SHISA9: variants seen among roughly 807,000 people sequenced by gnomAD.
The protein encoded by SHISA9 is protein shisa-9.
Under a neutral mutation model 38.0 loss-of-function variants are expected in SHISA9, and 13 were observed. The ratio of observed to expected loss-of-function variants is 0.34; its 90% CI spans 0.22 to 0.54. The LOEUF (loss-of-function observed/expected upper bound fraction) is 0.54, where lower values mean the gene tolerates loss of function less well. Ranked by LOEUF, SHISA9 falls within the 20% of genes least tolerant of loss-of-function variation. The probability of loss-of-function intolerance (pLI) is 0.91; values close to 1 mark genes in which losing one functional copy is unlikely to be tolerated. For missense variants in SHISA9, 538 were observed against 575.8 expected, an observed-to-expected ratio of 0.93 and a Z score of 0.67; for synonymous variants, 275 against 242.0, an observed-to-expected ratio of 1.14 and a Z score of -1.27.
At chr16:13,561,539 T>G in the SHISA9 span, among the ~76,000 whole-genome samples, 1 of 152,216 alleles carries the variant, frequency 6.6e-6, no homozygotes, top group Admixed American at 6.5e-5. Flanking sequence ...GCAAAATCAC[T>G]TCCGCTACTT....
chr16:13,240,247 AC>A lies in SHISA9; in HGVS notation c.*4840del, dbSNP rs2051423924. ...TAGTAACCGTATGTTCTGCAAGTAA[AC>A]CTGTGTTAATACTTGTCAACAACTG... is the stretch of plus-strand genomic sequence containing the variant. On this transcript the variant is annotated 3_prime_UTR_variant, in exon 5 of 5. Coordinates refer to ENST00000558583, the MANE Select transcript of SHISA9 (RefSeq NM_001145204.3). 4 of 152,164 alleles carry A rather than the reference AC, an allele frequency of 2.6e-5. No individual in the cohort carries two copies. The highest frequency in any genetic ancestry group is 2.6e-4 in the Admixed American group (4 of 15,276). 9.4% of individuals were successfully genotyped at this position (152,164 alleles called of 1,614,324 possible).
At chr16:13,508,884 G>A in the SHISA9 span, among the ~76,000 whole-genome samples, 1 of 152,102 alleles carries the variant, frequency 6.6e-6, no homozygotes, top group Non-Finnish European at 1.5e-5. Context: ...ATCCTGAAGG[G>A]GATTGATAAT....
At chr16:13,377,965 G>A in the SHISA9 span, among the ~76,000 whole-genome samples, 4 of 152,252 alleles carry the variant, frequency 2.6e-5, no homozygotes, top group South Asian at 2.1e-4. Context: ...CCTGGAAGGC[G>A]GAGGTGGCAG....
At chr16:13,269,126 G>T in the SHISA9 span, among the ~76,000 whole-genome samples, 5 of 152,212 alleles carry the variant, frequency 3.3e-5, no homozygotes, top group Admixed American at 6.5e-5. Flanking sequence ...AGGGTTTCAG[G>T]AGGTGGTAAA....
At chr16:13,151,589 T>G (rs907203753) in intron 2 of SHISA9, among the ~76,000 whole-genome samples, 1 of 152,196 alleles carries the variant, frequency 6.6e-6, no homozygotes, top group Non-Finnish European at 1.5e-5. Flanking sequence ...AGTAACTATC[T>G]CTACTCTTGT....
At chr16:13,402,006 C>T in the SHISA9 span, among the ~76,000 whole-genome samples, 1 of 152,176 alleles carries the variant, frequency 6.6e-6, no homozygotes, top group South Asian at 2.1e-4. Flanking sequence ...TACTCAATTA[C>T]CTCCCATCGG....
chr16:13,383,243 A>G, the SHISA9 span, among the ~76,000 whole-genome samples: 1 of 152,232 alleles, frequency 6.6e-6, no homozygotes, highest in African/African-American at 2.4e-5. Flanking sequence ...TGGAGCAAAG[A>G]TCTGGAGGAC....
the SHISA9 span, among the ~76,000 whole-genome samples, chr16:13,484,566 G>T: frequency 2.0e-3 from 309 of 152,288 alleles, 3 homozygotes; most frequent in African/African-American, 7.3e-3. Context: ...TGCCTCTCTG[G>T]CTGTATAGTA....
chr16:13,145,613 A>G (rs1335493071), intron 2 of SHISA9, among the ~76,000 whole-genome samples: 1 of 152,252 alleles, frequency 6.6e-6, no homozygotes, highest in Non-Finnish European at 1.5e-5. Flanking sequence ...TAGCTTGCTT[A>G]CCTACAAAAG....
chr16:13,179,386 A>G (rs771370542), intron 2 of SHISA9, among the ~76,000 whole-genome samples: 1 of 152,194 alleles, frequency 6.6e-6, no homozygotes, highest in Non-Finnish European at 1.5e-5. Flanking sequence ...TGCTAGTCAT[A>G]AACATCTCTA....
At chr16:13,234,797 C>T (rs1209886315) in intron 4 of SHISA9, among the ~76,000 whole-genome samples, 1 of 152,024 alleles carries the variant, frequency 6.6e-6, no homozygotes, top group African/African-American at 2.4e-5. Flanking sequence ...TAGAGGTTCC[C>T]TTGGGGATGC....
the SHISA9 span, among the ~76,000 whole-genome samples, chr16:13,312,354 T>C: frequency 2.0e-5 from 3 of 152,158 alleles, no homozygotes; most frequent in Non-Finnish European, 4.4e-5. Flanking sequence ...TCACTCTTTT[T>C]CCCACTTTTC....
chr16:13,289,389 G>T, the SHISA9 span, among the ~76,000 whole-genome samples: 2 of 150,742 alleles, frequency 1.3e-5, no homozygotes, highest in African/African-American at 4.9e-5. Flanking sequence ...TTGTGGCAGG[G>T]TTGGGGGGTG....
chr16:13,257,043 A>C, the SHISA9 span, among the ~76,000 whole-genome samples: 2 of 152,200 alleles, frequency 1.3e-5, no homozygotes, highest in Admixed American at 6.5e-5. Context: ...TTTAGAAATT[A>C]TGTCAGGGTA....
chr16:13,522,875 G>T, the SHISA9 span, among the ~76,000 whole-genome samples: 5 of 152,138 alleles, frequency 3.3e-5, no homozygotes, highest in Non-Finnish European at 7.3e-5. Flanking sequence ...GAAACAGGGG[G>T]AATATGATGC....
chr16:13,008,312 C>T (rs906872486), intron 2 of SHISA9, among the ~76,000 whole-genome samples: 1 of 152,094 alleles, frequency 6.6e-6, no homozygotes, highest in African/African-American at 2.4e-5. Context: ...CATCACATCC[C>T]CACTCCTGAA....
intron 2 of SHISA9, among the ~76,000 whole-genome samples, chr16:13,070,655 A>G (rs2073502898): frequency 6.6e-6 from 1 of 152,228 alleles, no homozygotes; most frequent in Admixed American, 6.5e-5. Flanking sequence ...GGACAATCAT[A>G]GCTAACACCT....
chr16:13,027,416 A>T (rs1219601315), intron 2 of SHISA9, among the ~76,000 whole-genome samples: 3 of 152,196 alleles, frequency 2.0e-5, no homozygotes, highest in East Asian at 1.9e-4. Context: ...TACACTTAGC[A>T]TGCAACCCAG....
chr16:13,303,205 G>A, the SHISA9 span, among the ~76,000 whole-genome samples: 4 of 152,008 alleles, frequency 2.6e-5, no homozygotes, highest in Admixed American at 2.0e-4. Flanking sequence ...AGAGAACTAG[G>A]AACAATTCTA....
Sources: gnomAD v4.1 joint callset for allele counts (sites outside exome capture counted in the v4.1 genomes callset) on GRCh38, gnomAD v4.1.1 for gene constraint, MANE v1.5 for transcripts, NCBI Gene and HGNC (gene_info 2026-07-23, HGNC 2026-07-21) for gene names.